The following PRORP variants were observed in gnomAD, a reference collection of about 807,000 sequenced individuals.
The protein encoded by PRORP is mitochondrial ribonuclease P catalytic subunit.
PRORP carries 51 observed loss-of-function variants against 59.4 expected under a neutral mutation model. The ratio of observed to expected loss-of-function variants is 0.86; its 90% CI spans 0.69 to 1.08. The LOEUF (loss-of-function observed/expected upper bound fraction) is 1.08, where lower values mean the gene tolerates loss of function less well. PRORP is among the 50% of genes least tolerant of loss of function. The pLI, the probability that PRORP is intolerant of heterozygous loss-of-function variation, is 0.00. For missense variants in PRORP, 646 were observed against 690.3 expected (o/e 0.94, Z 0.72); for synonymous variants, 231 against 245.6 (o/e 0.94, Z 0.55).
intron 2 of PRORP, among the ~76,000 whole-genome samples, chr14:35,125,357 T>C (rs183994244): frequency 6.6e-6 from 1 of 152,314 alleles, no homozygotes; most frequent in East Asian, 1.9e-4. Flanking sequence ...TGTTACTGGG[T>C]ACATACCTGT....
At chr14:35,180,225 A>T (rs7141912) in intron 4 of PRORP, among the ~76,000 whole-genome samples, 18,983 of 152,148 alleles carry the variant, frequency 0.12, 1,262 homozygotes, top group Middle Eastern at 0.17. Context: ...TGGGAGAACC[A>T]CTGCTCTCTT....
intron 5 of PRORP, among the ~76,000 whole-genome samples, chr14:35,214,841 A>C (rs2049544817): frequency 6.6e-6 from 1 of 152,186 alleles, no homozygotes; most frequent in South Asian, 2.1e-4. Context: ...CAGGAGGCAG[A>C]GGTTTCAGTG....
chr14:35,191,751 G>A (rs1041226866), intron 5 of PRORP, among the ~76,000 whole-genome samples: 1 of 151,958 alleles, frequency 6.6e-6, no homozygotes. Flanking sequence ...CAAAAACTGG[G>A]GTGGGTAATT....
chr14:35,263,946 A>G (rs1272535347), intron 5 of PRORP, among the ~76,000 whole-genome samples: 1 of 150,616 alleles, frequency 6.6e-6, no homozygotes, highest in Non-Finnish European at 1.5e-5. Context: ...AGTTGTGTCC[A>G]TTCTTTTTTT....
chr14:35,260,267 G>A (rs2138631149), intron 5 of PRORP, among the ~76,000 whole-genome samples: 1 of 151,820 alleles, frequency 6.6e-6, no homozygotes, highest in Non-Finnish European at 1.5e-5. Context: ...AGAAATTAAA[G>A]AAAGAAAGAA....
intron 5 of PRORP, among the ~76,000 whole-genome samples, chr14:35,252,117 T>C (rs1018569838): frequency 1.3e-5 from 2 of 152,158 alleles, no homozygotes; most frequent in Non-Finnish European, 2.9e-5. Context: ...TGGCCAAATA[T>C]TAACATGAAA....
intron 4 of PRORP, among the ~76,000 whole-genome samples, chr14:35,172,913 G>A (rs1396327763): frequency 6.6e-6 from 1 of 150,682 alleles, no homozygotes; most frequent in Non-Finnish European, 1.5e-5. Context: ...TGTTGCCCAG[G>A]CTGGAGTGCA....
chr14:35,155,737 T>C (rs2047898900), intron 4 of PRORP, among the ~76,000 whole-genome samples: 1 of 151,800 alleles, frequency 6.6e-6, no homozygotes, highest in South Asian at 2.1e-4. Flanking sequence ...TTCATTATAA[T>C]ATAAATAGTA....
chr14:35,260,535 G>A (rs1307143245), intron 5 of PRORP, among the ~76,000 whole-genome samples: 2 of 152,230 alleles, frequency 1.3e-5, no homozygotes, highest in African/African-American at 4.8e-5. Flanking sequence ...TACAGTGAAA[G>A]TCATGAGACA....
rs138619061 is a variant in PRORP, at chr14:35,168,476, A to G, written c.1168-12194A>G. On this transcript the variant is annotated intron_variant, in intron 4 of 7. Transcript: ENST00000534898. ...TACTCAGGTTTTGTCACTTGTCCCA[A>G]TAATGTCCATAACAAGCTTTTCCTT... is the stretch of plus-strand genomic sequence containing the variant. Among the ~76,000 whole-genome samples, 886 of 152,290 alleles carry G rather than the reference A, an allele frequency of 5.8e-3. 7 individuals are homozygous for G. Among genetic ancestry groups the G allele is most frequent in the Middle Eastern group, 0.01 (3 of 294 alleles).
At chr14:35,135,342 A>G (rs984330039) in intron 4 of PRORP, among the ~76,000 whole-genome samples, 1 of 152,210 alleles carries the variant, frequency 6.6e-6, no homozygotes, top group African/African-American at 2.4e-5. Context: ...GTGGACGATC[A>G]GTGGAGCCTT....
chr14:35,217,830 G>T (rs2138425801), intron 5 of PRORP, among the ~76,000 whole-genome samples: 1 of 152,186 alleles, frequency 6.6e-6, no homozygotes, highest in Non-Finnish European at 1.5e-5. Flanking sequence ...GTACCACACA[G>T]TCTTAATTAG....
intron 5 of PRORP, among the ~76,000 whole-genome samples, chr14:35,202,578 C>T (rs1257966223): frequency 6.6e-6 from 1 of 152,096 alleles, no homozygotes; most frequent in African/African-American, 2.4e-5. Flanking sequence ...AGCAGCTCTC[C>T]TATTACTGTC....
intron 5 of PRORP, among the ~76,000 whole-genome samples, chr14:35,197,761 A>T (rs2049044639): frequency 6.6e-6 from 1 of 152,212 alleles, no homozygotes; most frequent in South Asian, 2.1e-4. Flanking sequence ...AAGATGTAAG[A>T]TGGTTATAAT....
At chr14:35,246,247 T>C (rs1461946324) in intron 5 of PRORP, among the ~76,000 whole-genome samples, 1 of 152,202 alleles carries the variant, frequency 6.6e-6, no homozygotes, top group Non-Finnish European at 1.5e-5. Context: ...TATCTTCTTA[T>C]TTGGGGAGAT....
In PRORP at chr14:35,151,529, T is replaced by A. The variant is rs79742963; in HGVS notation, c.1167+23918T>A. The stretch of plus-strand genomic sequence containing the variant: ...AGGTCAAAAAGGTCAGAATCATCCT[T>A]GATTCCCCTCTTTCCTTCATATCCC... On this transcript the variant is annotated intron_variant, in intron 4 of 7. Transcript: ENST00000534898. Among the ~76,000 whole-genome samples the A allele has an allele frequency of 9.2e-5, 14 of 152,012 alleles. No individual in the cohort carries two copies. The East Asian group carries it at 2.7e-3, about 29-fold the overall frequency.
At chr14:35,229,261 A>G (rs1213664221) in intron 5 of PRORP, among the ~76,000 whole-genome samples, 2 of 152,006 alleles carry the variant, frequency 1.3e-5, no homozygotes, top group Non-Finnish European at 2.9e-5. Context: ...TCTTCTGTTA[A>G]TAGTTTCTTT....
chr14:35,201,331 G>A (rs556628692), intron 5 of PRORP, among the ~76,000 whole-genome samples: 5 of 152,274 alleles, frequency 3.3e-5, no homozygotes, highest in South Asian at 4.1e-4. Flanking sequence ...AAGAGCTGGC[G>A]GGAGGAGTTA....
intron 5 of PRORP, among the ~76,000 whole-genome samples, chr14:35,195,759 T>C (rs2048993486): frequency 6.6e-6 from 1 of 152,124 alleles, no homozygotes; most frequent in African/African-American, 2.4e-5. Flanking sequence ...AATCTATTTT[T>C]TTAACTATAT....
Sources: allele counts gnomAD v4.1 joint callset (sites outside exome capture counted in the v4.1 genomes callset), GRCh38; gene constraint gnomAD v4.1.1; transcripts MANE v1.5; gene names NCBI Gene and HGNC (gene_info 2026-07-23, HGNC 2026-07-21).